The following STIM1 variants were observed in gnomAD, a reference collection of about 807,000 sequenced individuals.
The protein encoded by STIM1 is stromal interaction molecule 1.
Under a neutral mutation model 74.7 loss-of-function variants are expected in STIM1, and 25 were observed. The observed-to-expected ratio is 0.33, with a 90% confidence interval of 0.24 to 0.47. The LOEUF is 0.47. Ranked by LOEUF, STIM1 falls within the 20% of genes least tolerant of loss-of-function variation. The pLI is 1.00. For missense variants in STIM1, 728 were observed against 920.8 expected, an observed-to-expected ratio of 0.79 and a Z score of 2.71; for synonymous variants, 328 against 348.8, an observed-to-expected ratio of 0.94 and a Z score of 0.66.
At chr11:4,087,715 C>T (rs2094501981) in intron 12 of STIM1, among the ~76,000 whole-genome samples, 1 of 150,942 alleles carries the variant, frequency 6.6e-6, no homozygotes, top group South Asian at 2.1e-4. Flanking sequence ...GAAAACATTC[C>T]AGTAGACCAC....
chr11:3,996,480 GTAGC>G (rs928621481), intron 2 of STIM1, among the ~76,000 whole-genome samples: 30 of 152,196 alleles, frequency 2.0e-4, no homozygotes, highest in African/African-American at 7.2e-4. Flanking sequence ...TCAGTAACAG[GTAGC>G]TGGGGGAAGG....
rs190920112 is a variant in STIM1 at position 3,856,369 on chromosome 11, A to G, written c.99A>G (p.Gly33=). The G allele has an allele frequency of 6.2e-7, 1 of 1,614,162 alleles. No individual in the cohort carries two copies. Among genetic ancestry groups the G allele is most frequent in the Non-Finnish European group, 8.5e-7 (1 of 1,180,024 alleles). Residue 33 remains glycine, a synonymous_variant, in exon 1 of 13, where the codon GGA becomes GGG. Transcript: ENST00000526596. Reference sequence around the variant, plus strand: ...ATAGTCACAGTGAGAAGGCGACAGGAACCAGCTCGGGGGCCAACTCTGAGG... The same window carrying G: ...ATAGTCACAGTGAGAAGGCGACAGGGACCAGCTCGGGGGCCAACTCTGAGG... ...LSHSHSEKAT[G]TSSGANSEES...
At chr11:3,924,758 T>C (rs2092767290) in intron 1 of STIM1, among the ~76,000 whole-genome samples, 1 of 152,190 alleles carries the variant, frequency 6.6e-6, no homozygotes, top group African/African-American at 2.4e-5. Flanking sequence ...TTGAAGCAGC[T>C]ACTTTTTCGT....
intron 1 of STIM1, among the ~76,000 whole-genome samples, chr11:3,950,173 G>T (rs1318815435): frequency 7.4e-6 from 1 of 136,024 alleles, no homozygotes; most frequent in African/African-American, 2.8e-5. Flanking sequence ...TTGCTCTGTT[G>T]CCCAGGCTGG....
chr11:3,891,901 G>A (rs555311411), intron 1 of STIM1, among the ~76,000 whole-genome samples: 4 of 152,324 alleles, frequency 2.6e-5, no homozygotes, highest in African/African-American at 9.6e-5. Flanking sequence ...AACAGCCATA[G>A]ATAATATTTA....
At position 3,856,264 on chromosome 11, in the gene STIM1, T is replaced by G. The variant is rs201794614; in HGVS notation, c.-7T>G. On this transcript the variant is annotated 5_prime_UTR_variant, in exon 1 of 13. The change abolishes the stop of an existing upstream ORF in the 5' untranslated region. Transcript: ENST00000526596. ...CATCAGACGCATGTTGACTGAGACC[T>G]AGAGTCATGGATGTATGCGTCCGTC... The G allele has an allele frequency of 3.4e-5, 55 of 1,614,016 alleles. No homozygotes were observed. The East Asian group carries it at 5.1e-4, about 15-fold the overall frequency.
intron 11 of STIM1, chr11:4,086,095 A>G (rs2094491505): frequency 4.2e-6 from 1 of 239,120 alleles, no homozygotes; most frequent in African/African-American, 2.3e-5. Context: ...GTCCTTGTCT[A>G]TGCTGTGAAT....
chr11:4,037,353 C>A (rs933449167), intron 3 of STIM1, among the ~76,000 whole-genome samples: 10 of 152,194 alleles, frequency 6.6e-5, no homozygotes, highest in African/African-American at 2.4e-4. Flanking sequence ...ATCCAGCCTG[C>A]ATACTTGTTC....
intron 1 of STIM1, among the ~76,000 whole-genome samples, chr11:3,857,706 G>T (rs2090439883): frequency 6.6e-6 from 1 of 152,124 alleles, no homozygotes; most frequent in African/African-American, 2.4e-5. Flanking sequence ...TGGCTCAGTG[G>T]GCACCTGCTG....
intron 1 of STIM1, among the ~76,000 whole-genome samples, chr11:3,884,841 T>G (rs2091645230): frequency 1.3e-5 from 2 of 151,862 alleles, no homozygotes; most frequent in South Asian, 4.1e-4. Flanking sequence ...TAAATGGAGT[T>G]AAGTGTTGAT....
At chr11:4,020,718 C>T (rs2093947723) in intron 2 of STIM1, among the ~76,000 whole-genome samples, 1 of 151,972 alleles carries the variant, frequency 6.6e-6, no homozygotes, top group Non-Finnish European at 1.5e-5. Flanking sequence ...GCTCTAGCTT[C>T]AGCCTATAGC....
intron 2 of STIM1, among the ~76,000 whole-genome samples, chr11:4,021,060 G>A (rs188230138): frequency 6.6e-6 from 1 of 152,166 alleles, no homozygotes; most frequent in Admixed American, 6.5e-5. Context: ...TCTGTAGGTT[G>A]TCTCTTCACT....
intron 1 of STIM1, among the ~76,000 whole-genome samples, chr11:3,861,687 G>A (rs983575019): frequency 1.3e-5 from 2 of 152,202 alleles, no homozygotes; most frequent in African/African-American, 2.4e-5. Flanking sequence ...TGCTCCATAT[G>A]TAATTGAAGG....
Position 4,091,349 on chromosome 11 carries a change from C to A in STIM1, c.1702C>A (p.Pro568Thr). 2 of 1,614,244 alleles carry A rather than the reference C, an allele frequency of 1.2e-6. No individual in the cohort carries two copies. The highest frequency in any genetic ancestry group is 1.7e-6 in the Non-Finnish European group (2 of 1,180,044). ...TGACCGCCAGCGTGTGGCCCCCAAACCTCCTCAGATGAGCCGTGCTGCAGA... is the reference window on the plus strand; with the variant it reads ...TGACCGCCAGCGTGTGGCCCCCAAAACTCCTCAGATGAGCCGTGCTGCAGA... ...MSDRQRVAPK[P>T]PQMSRAADEA... The change falls in exon 13 of 13, where the codon CCT (proline) becomes ACT (threonine). Residue 568 changes from proline (P) to threonine (T), a missense_variant. Pro to Thr is a conservative substitution (Grantham distance 38, BLOSUM62 -1). Around this residue, in one of 5 missense-constraint regions of STIM1, gnomAD observed 352 missense variants for 370.1 expected, o/e 0.95. Transcript: ENST00000526596.
At chr11:4,010,438 TG>T (rs763300312) in intron 2 of STIM1, among the ~76,000 whole-genome samples, 2 of 152,156 alleles carry the variant, frequency 1.3e-5, no homozygotes, top group South Asian at 4.1e-4. Flanking sequence ...CCCGATGTGC[TG>T]GGATTACAGG....
intron 2 of STIM1, among the ~76,000 whole-genome samples, chr11:4,021,610 T>C (rs1178505461): frequency 1.3e-5 from 2 of 152,262 alleles, no homozygotes; most frequent in African/African-American, 4.8e-5. Context: ...TAAAGTCAGA[T>C]GGTGTGATTG....
chr11:3,868,538 A>T (rs2090957072), intron 1 of STIM1, among the ~76,000 whole-genome samples: 1 of 152,190 alleles, frequency 6.6e-6, no homozygotes, highest in Non-Finnish European at 1.5e-5. Flanking sequence ...CTGAGTTTAG[A>T]ATTTAGGTGG....
intron 1 of STIM1, among the ~76,000 whole-genome samples, chr11:3,900,565 C>T (rs113666410): frequency 0.014 from 2,108 of 152,242 alleles, 44 homozygotes; most frequent in African/African-American, 0.048. Context: ...TGTTCCTATT[C>T]GGCCATCTTG....
intron 7 of STIM1, among the ~76,000 whole-genome samples, chr11:4,075,499 G>A (rs925252317): frequency 6.6e-6 from 1 of 152,174 alleles, no homozygotes; most frequent in African/African-American, 2.4e-5. Flanking sequence ...ACTCTTTTGT[G>A]TTTTGTTTCT....
Sources: allele counts gnomAD v4.1 joint callset (sites outside exome capture counted in the v4.1 genomes callset), GRCh38; gene constraint gnomAD v4.1.1; regional missense constraint gnomAD v4.1.1; transcripts MANE v1.5; gene names NCBI Gene and HGNC (gene_info 2026-07-23, HGNC 2026-07-21).